The following NPSR1 variants were observed in gnomAD, a reference collection of about 807,000 sequenced individuals.
The protein encoded by NPSR1 is neuropeptide S receptor.
Under a neutral mutation model 46.9 loss-of-function variants are expected in NPSR1, and 48 were observed. The observed-to-expected ratio is 1.02, with a 90% CI of 0.81 to 1.30. The LOEUF (loss-of-function observed/expected upper bound fraction) is 1.30. Ranked by LOEUF, NPSR1 falls within the 50% of genes most tolerant of loss-of-function variation. The probability of loss-of-function intolerance (pLI) is 0.00; values close to 1 mark genes in which losing one functional copy is unlikely to be tolerated. For missense variants in NPSR1, 450 were observed against 449.5 expected, an observed-to-expected ratio of 1.00 and a Z score of -0.01; for synonymous variants, 176 against 168.1, an observed-to-expected ratio of 1.05 and a Z score of -0.36.
At chr7:34,807,785 T>A (rs1203869006) in intron 3 of NPSR1, among the ~76,000 whole-genome samples, 3 of 152,180 alleles carry the variant, frequency 2.0e-5, no homozygotes, top group Non-Finnish European at 4.4e-5. Flanking sequence ...CTTATTTTAG[T>A]CTTTCTATAT....
At chr7:34,775,379 C>T (rs184518932) in intron 2 of NPSR1, among the ~76,000 whole-genome samples, 47 of 152,268 alleles carry the variant, frequency 3.1e-4, no homozygotes, top group Admixed American at 7.9e-4. Context: ...GTATTCCCTC[C>T]TCCTCTATTT....
chr7:34,742,046 TTAGA>T (rs1475125235), intron 2 of NPSR1, among the ~76,000 whole-genome samples: 5 of 152,336 alleles, frequency 3.3e-5, no homozygotes, highest in Admixed American at 6.5e-5. Flanking sequence ...AATTAGTTGC[TTAGA>T]TAGTTTATTT....
At chr7:34,709,519 T>C (rs1783166059) in intron 2 of NPSR1, among the ~76,000 whole-genome samples, 1 of 152,164 alleles carries the variant, frequency 6.6e-6, no homozygotes, top group Non-Finnish European at 1.5e-5. Context: ...GTCAGTTTCT[T>C]TTGGGGCCTT....
chr7:34,826,164 G>A (rs1243279170), intron 4 of NPSR1, among the ~76,000 whole-genome samples: 1 of 152,118 alleles, frequency 6.6e-6, no homozygotes, highest in Non-Finnish European at 1.5e-5. Context: ...CCGGTTGCAT[G>A]TAAGGAACAG....
At chr7:34,685,118 C>T (rs1481330608) in intron 2 of NPSR1, among the ~76,000 whole-genome samples, 3 of 152,164 alleles carry the variant, frequency 2.0e-5, no homozygotes, top group Non-Finnish European at 4.4e-5. Flanking sequence ...GTGGACATTG[C>T]TTTTGAAATG....
intron 2 of NPSR1, among the ~76,000 whole-genome samples, chr7:34,720,368 G>C (rs1783792959): frequency 2.0e-5 from 3 of 152,054 alleles, no homozygotes; most frequent in Non-Finnish European, 4.4e-5. Context: ...GGGTTGCTGA[G>C]CTGTAGATGC....
chr7:34,742,622 T>C (rs1785002704), intron 2 of NPSR1, among the ~76,000 whole-genome samples: 1 of 152,244 alleles, frequency 6.6e-6, no homozygotes, highest in African/African-American at 2.4e-5. Context: ...AGTACTGCAA[T>C]GAACATTTGT....
At chr7:34,839,336 T>G (rs1790489597) in intron 6 of NPSR1, among the ~76,000 whole-genome samples, 1 of 152,212 alleles carries the variant, frequency 6.6e-6, no homozygotes, top group Non-Finnish European at 1.5e-5. Context: ...AAGCCTATTT[T>G]AAAATAGACA....
chr7:34,661,510 G>T (rs975190235), intron 1 of NPSR1, among the ~76,000 whole-genome samples: 1 of 152,094 alleles, frequency 6.6e-6, no homozygotes, highest in Admixed American at 6.6e-5. Flanking sequence ...GCTCTTTCAG[G>T]AGGAGACAAA....
At chr7:34,779,558 T>C (rs1476209542) in intron 3 of NPSR1, 2 of 1,220,968 alleles carry the variant, frequency 1.6e-6, no homozygotes, top group Non-Finnish European at 2.2e-6. Context: ...GGTAATGAAG[T>C]TATTCCATAT....
chr7:34,791,673 C>T (rs1787888768), intron 3 of NPSR1, among the ~76,000 whole-genome samples: 1 of 151,892 alleles, frequency 6.6e-6, no homozygotes, highest in Non-Finnish European at 1.5e-5. Context: ...AAAATCCCAA[C>T]AGCATGTTTT....
intron 2 of NPSR1, among the ~76,000 whole-genome samples, chr7:34,709,277 C>G (rs1405274436): frequency 3.3e-5 from 5 of 152,154 alleles, no homozygotes; most frequent in Non-Finnish European, 7.3e-5. Context: ...CCTTGCTCAG[C>G]AATTACTGAC....
intron 8 of NPSR1, among the ~76,000 whole-genome samples, chr7:34,875,364 C>G: frequency 6.6e-6 from 1 of 152,182 alleles, no homozygotes; most frequent in East Asian, 1.9e-4. Flanking sequence ...CCAGATGATT[C>G]CCACACATTG....
chr7:34,750,206 A>G, intron 2 of NPSR1: 1 of 529,004 alleles, frequency 1.9e-6, no homozygotes, highest in Non-Finnish European at 3.5e-6. Context: ...GTCACCCTAC[A>G]AGTTACCCTG....
At chr7:34,720,289 A>AC (rs1181246204) in intron 2 of NPSR1, among the ~76,000 whole-genome samples, 2 of 151,194 alleles carry the variant, frequency 1.3e-5, no homozygotes, top group Non-Finnish European at 3.0e-5. Context: ...AAAAAAAAAA[A>AC]AGGGAGCCAG....
At chr7:34,865,450 C>T (rs1299027338) in intron 8 of NPSR1, among the ~76,000 whole-genome samples, 1 of 151,756 alleles carries the variant, frequency 6.6e-6, no homozygotes. Context: ...AGAATCTTTC[C>T]ACATTCAATC....
chr7:34,670,036 G>A (rs1415746904), intron 1 of NPSR1, among the ~76,000 whole-genome samples: 2 of 152,176 alleles, frequency 1.3e-5, no homozygotes, highest in South Asian at 2.1e-4. Flanking sequence ...TGGTGAAGAT[G>A]TCAATTCTCC....
intron 4 of NPSR1, among the ~76,000 whole-genome samples, chr7:34,818,097 G>A (rs1488923253): frequency 2.9e-5 from 4 of 139,734 alleles, no homozygotes; most frequent in African/African-American, 7.5e-5. Flanking sequence ...GCAATAAAGC[G>A]TATTCAATTA....
At chr7:34,789,740 CAAAAAAAAA>C (rs751424409) in intron 3 of NPSR1, among the ~76,000 whole-genome samples, 10 of 45,348 alleles carry the variant, frequency 2.2e-4, no homozygotes, top group East Asian at 7.5e-4. Context: ...TTGCAGTGCG[CAAAAAAAAA>C]AAAAAAAAAA....
Sources: allele counts gnomAD v4.1 joint callset (sites outside exome capture counted in the v4.1 genomes callset), GRCh38; gene constraint gnomAD v4.1.1; transcripts MANE v1.5; gene names NCBI Gene and HGNC (gene_info 2026-07-23, HGNC 2026-07-21).